Variants in RAB5B observed in about 807,000 individuals in gnomAD.
RAB5B encodes RAB5B, member RAS oncogene family, also known as ras-related protein Rab-5B.
A neutral mutation model predicts 28.6 loss-of-function variants in RAB5B; 11 were observed. That is an observed-to-expected ratio of 0.38 (90% CI 0.24 to 0.64). The LOEUF (loss-of-function observed/expected upper bound fraction) is 0.64. Among genes scored for constraint, RAB5B ranks in the 30% least tolerant of loss-of-function variants. The pLI, the probability that RAB5B is intolerant of heterozygous loss-of-function variation, is 0.53. For missense variants in RAB5B, 169 were observed against 265.6 expected (o/e 0.64, Z 2.53); for synonymous variants, 93 against 97.9 (o/e 0.95, Z 0.29).
In RAB5B at chr12:55,991,380, TGAC is replaced by T; in HGVS notation, c.460_462del (p.Asp154del). ...TGCAGGAGGCCCAGGCATATGCAGA[TGAC>T]AACAGCTTATTGTTCATGGAGACTT... On this transcript the variant is annotated inframe_deletion, in exon 5 of 6. Coordinates refer to ENST00000360299, the MANE Select transcript of RAB5B (RefSeq NM_002868.4). 1 of 1,614,034 alleles carries T rather than the reference TGAC, an allele frequency of 6.2e-7. No individual in the cohort carries two copies. Among genetic ancestry groups the T allele is most frequent in the South Asian group, 1.1e-5 (1 of 91,082 alleles).
Position 55,995,090 on chromosome 12 carries a change from A to G in RAB5B, c.*2878A>G, listed in dbSNP as rs972053352. ...AAGTAGTATACAAAAATGTATGTGC[A>G]TATTTCTTTTTTTTTTTTTAATTGA... On this transcript the variant is annotated 3_prime_UTR_variant, in exon 6 of 6. Coordinates refer to ENST00000360299, the MANE Select transcript of RAB5B (RefSeq NM_002868.4). The G allele has an allele frequency of 5.9e-5, 9 of 151,422 alleles. No homozygotes were observed. Among genetic ancestry groups the G allele is most frequent in the African/African-American group, 1.9e-4 (8 of 41,218 alleles). The allele number at this position is 151,422 out of a possible 1,614,324, so 9.4% of individuals were successfully genotyped here.
intron 1 of RAB5B, among the ~76,000 whole-genome samples, chr12:55,986,112 C>T (rs908353752): frequency 6.6e-6 from 1 of 152,116 alleles, no homozygotes; most frequent in Non-Finnish European, 1.5e-5. Context: ...TTATCCCACA[C>T]CCCTAGAGTG....
intron 2 of RAB5B, 43 bp downstream of exon 2, chr12:55,987,166 GTTTT>G (rs34223637): frequency 7.9e-7 from 1 of 1,272,650 alleles, no homozygotes; most frequent in Non-Finnish European, 1.1e-6. Context: ...TTTGGTAAGG[GTTTT>G]TTTTTTTTTA....
intron 1 of RAB5B, among the ~76,000 whole-genome samples, chr12:55,982,618 T>C (rs1017655681): frequency 6.6e-6 from 1 of 152,136 alleles, no homozygotes; most frequent in Non-Finnish European, 1.5e-5. Context: ...AGGCTACATA[T>C]TAGGGTACGA....
chr12:55,991,471 T>G lies in RAB5B; in HGVS notation c.532+18T>G. On this transcript the variant is annotated intron_variant, in intron 5 of 5. Transcript: ENST00000360299. ...GGCAATAGGTAAGGTCAGAACATCC[T>G]GAGGTCCTCCTTTTTCCCTCGTTTA... is the stretch of plus-strand genomic sequence containing the variant. 6.3e-7 allele frequency: 1 copy of G among 1,596,012 alleles called. No individual in the cohort carries two copies. Among genetic ancestry groups the G allele is most frequent in the Non-Finnish European group, 8.6e-7 (1 of 1,163,750 alleles).
chr12:55,982,627 G>A (rs1365924723), intron 1 of RAB5B, among the ~76,000 whole-genome samples: 1 of 152,176 alleles, frequency 6.6e-6, no homozygotes, highest in South Asian at 2.1e-4. Context: ...ATTAGGGTAC[G>A]AGGTAGTCTT....
At position 55,993,285 on chromosome 12, in the gene RAB5B, G is replaced by A. The variant is rs1199885151; in HGVS notation, c.*1073G>A. ...ATTCAATGAAATCTGAGGTTAATGC[G>A]AGGTTCGAGGAGAGGTTATAGATAA... is the stretch of plus-strand genomic sequence containing the variant. On this transcript the variant is annotated 3_prime_UTR_variant, in exon 6 of 6. Transcript: ENST00000360299. 8 of 152,596 alleles carry A rather than the reference G, an allele frequency of 5.2e-5. No individual in the cohort carries two copies. The highest frequency in any genetic ancestry group is 1.3e-4 in the Admixed American group (2 of 15,268). 9.5% of individuals were successfully genotyped at this position (152,596 alleles called of 1,614,324 possible).
intron 1 of RAB5B, among the ~76,000 whole-genome samples, chr12:55,983,102 G>A (rs769586668): frequency 5.3e-5 from 8 of 151,622 alleles, no homozygotes; most frequent in Non-Finnish European, 1.0e-4. Flanking sequence ...TTTGAGAGAC[G>A]GAGTCTTGCT....
chr12:55,985,828 G>C (rs1592801527), intron 1 of RAB5B: 1 of 428,804 alleles, frequency 2.3e-6, no homozygotes, highest in Non-Finnish European at 4.7e-6. Flanking sequence ...TGCAAGTTGA[G>C]AGTAGGTCAA....
Position 55,992,100 on chromosome 12 carries a change from A to G in RAB5B, c.536A>G (p.Lys179Arg). ...NVNDLFLAIA[K>R]KLPKSEPQNL... ...TCTCTTCTCTTTTTATCTCTAGCTA[A>G]GAAGTTGCCAAAGAGTGAACCCCAG... Residue 179 changes from lysine (K) to arginine (R), a missense_variant, in exon 6 of 6, where the codon AAG becomes AGG. Physicochemically the swap from Lys to Arg is conservative, Grantham distance 26. Coordinates refer to ENST00000360299, the MANE Select transcript of RAB5B (RefSeq NM_002868.4). 3.1e-6 allele frequency: 5 copies of G among 1,613,556 alleles called. No homozygotes were observed. The highest frequency in any genetic ancestry group is 4.2e-6 in the Non-Finnish European group (5 of 1,179,486).
chr12:55,973,982 A>G (rs565292465), upstream of RAB5B: 1 of 152,510 alleles, frequency 6.6e-6, no homozygotes, highest in South Asian at 2.1e-4. Context: ...ATGAGTGCAC[A>G]TATAGCCCAC....
chr12:55,976,127 A>G (rs773108), intron 1 of RAB5B, among the ~76,000 whole-genome samples: 36,248 of 152,156 alleles, frequency 0.24, 5,113 homozygotes, highest in Non-Finnish European at 0.32. Context: ...TTTAAGAAGT[A>G]TAAATCCTCC....
chr12:55,989,168 C>T (rs1317870523), intron 2 of RAB5B, among the ~76,000 whole-genome samples: 1 of 151,926 alleles, frequency 6.6e-6, no homozygotes, highest in Non-Finnish European at 1.5e-5. Flanking sequence ...TCTCGAACTC[C>T]TGACCTCAAG....
chr12:55,974,504 G>A (rs1889590533), intron 1 of RAB5B, among the ~76,000 whole-genome samples: 1 of 152,210 alleles, frequency 6.6e-6, no homozygotes, highest in Non-Finnish European at 1.5e-5. Context: ...CCATTTGCCG[G>A]GAGGTGAGGA....
chr12:55,977,300 T>A (rs1369090072), intron 1 of RAB5B, among the ~76,000 whole-genome samples: 1 of 151,842 alleles, frequency 6.6e-6, no homozygotes, highest in Non-Finnish European at 1.5e-5. Context: ...TGTGTGTGTT[T>A]TAATCCTATC....
At chr12:55,977,755 A>G (rs1284784233) in intron 1 of RAB5B, among the ~76,000 whole-genome samples, 1 of 152,216 alleles carries the variant, frequency 6.6e-6, no homozygotes, top group East Asian at 1.9e-4. Flanking sequence ...AGATTTAGCC[A>G]TTGACTCAAC....
intron 2 of RAB5B, among the ~76,000 whole-genome samples, chr12:55,989,607 C>G (rs1244114399): frequency 6.6e-6 from 1 of 152,132 alleles, no homozygotes; most frequent in Non-Finnish European, 1.5e-5. Flanking sequence ...CTTGATGTGA[C>G]TTTTATCTGA....
chr12:55,983,836 G>A (rs564678392), intron 1 of RAB5B, among the ~76,000 whole-genome samples: 2 of 150,560 alleles, frequency 1.3e-5, no homozygotes, highest in East Asian at 2.0e-4. Context: ...TTTTTTAAAT[G>A]TTTTCTAGAG....
intron 1 of RAB5B, among the ~76,000 whole-genome samples, chr12:55,978,080 A>G (rs1592792775): frequency 6.6e-6 from 1 of 152,260 alleles, no homozygotes; most frequent in African/African-American, 2.4e-5. Flanking sequence ...AACGGGTGAC[A>G]GGAAAAGCAG....
Sources: gnomAD v4.1 joint callset for allele counts (sites outside exome capture counted in the v4.1 genomes callset) on GRCh38, gnomAD v4.1.1 for gene constraint, MANE v1.5 for transcripts, NCBI Gene and HGNC (gene_info 2026-07-23, HGNC 2026-07-21) for gene names.